The following CLNK variants were observed in gnomAD, a reference collection of about 807,000 sequenced individuals.
CLNK encodes cytokine-dependent hematopoietic cell linker.
CLNK carries 74 observed loss-of-function variants against 68.6 expected under a neutral mutation model. The ratio of observed to expected loss-of-function variants is 1.08; its 90% CI spans 0.89 to 1.31. The LOEUF (loss-of-function observed/expected upper bound fraction) is 1.31. Among genes scored for constraint, CLNK ranks in the 50% most tolerant of loss-of-function variants. The pLI, the probability that CLNK is intolerant of heterozygous loss-of-function variation, is 0.00. For missense variants in CLNK, 553 were observed against 515.3 expected (o/e 1.07, Z -0.71); for synonymous variants, 198 against 172.2 (o/e 1.15, Z -1.17).
intron 8 of CLNK, among the ~76,000 whole-genome samples, chr4:10,552,320 T>C (rs1719494895): frequency 1.3e-5 from 2 of 152,118 alleles, no homozygotes; most frequent in Admixed American, 1.3e-4. Context: ...GTAAAGCTAA[T>C]GGGAAGCCAT....
intron 8 of CLNK, among the ~76,000 whole-genome samples, chr4:10,554,360 C>G (rs1343593891): frequency 6.6e-6 from 1 of 152,202 alleles, no homozygotes; most frequent in Admixed American, 6.5e-5. Context: ...GGAACTGAAA[C>G]TTCATTAGGG....
upstream of CLNK, among the ~76,000 whole-genome samples, chr4:10,686,379 G>C (rs555002150): frequency 1.3e-5 from 2 of 152,100 alleles, no homozygotes; most frequent in South Asian, 4.2e-4. Context: ...GGACGTATTC[G>C]ACCCATAACA....
At chr4:10,600,336 G>A (rs1171125174) in intron 2 of CLNK, among the ~76,000 whole-genome samples, 1 of 152,110 alleles carries the variant, frequency 6.6e-6, no homozygotes, top group Admixed American at 6.5e-5. Context: ...CATTTCGTTT[G>A]TTCATGAGTC....
In CLNK at chr4:10,647,696, T is replaced by C. The variant is rs146907181; in HGVS notation, c.11+20163A>G. On this transcript the variant is annotated intron_variant, in intron 2 of 18. Coordinates refer to ENST00000226951, the MANE Select transcript of CLNK (RefSeq NM_052964.4). Reference sequence around the variant, plus strand: ...TGTCCTGGGTGAGGCCTTTCCTATATATCCAAGTAATTCCAAGAGGTAGGC... The same window carrying C: ...TGTCCTGGGTGAGGCCTTTCCTATACATCCAAGTAATTCCAAGAGGTAGGC... Among the ~76,000 whole-genome samples, 20 of 152,290 alleles carry C rather than the reference T, an allele frequency of 1.3e-4. No homozygotes were observed. In the East Asian group the frequency reaches 2.5e-3, roughly 19 times the overall value.
At chr4:10,619,917 C>T (rs960329681) in intron 2 of CLNK, among the ~76,000 whole-genome samples, 1 of 152,098 alleles carries the variant, frequency 6.6e-6, no homozygotes, top group East Asian at 1.9e-4. Flanking sequence ...GCTCAAAGCC[C>T]GGGGCGTTTT....
intron 7 of CLNK, 127 bp from the exon 8 acceptor site, chr4:10,558,579 A>C (rs1229670697): frequency 4.9e-6 from 4 of 819,202 alleles, no homozygotes; most frequent in Non-Finnish European, 6.2e-6. Context: ...CTGGTTTTCA[A>C]TGTATGGTTG....
In CLNK at chr4:10,650,104, T is replaced by A. The variant is rs79543352; in HGVS notation, c.11+17755A>T. 1.5e-3 allele frequency among the ~76,000 whole-genome samples: 235 copies of A among 152,240 alleles called. 3 individuals are homozygous for A. In the East Asian group the frequency reaches 0.041, roughly 27 times the overall value. On this transcript the variant is annotated intron_variant, in intron 2 of 18. Coordinates refer to ENST00000226951, the MANE Select transcript of CLNK (RefSeq NM_052964.4). ...GAGACATAAAAATGATCAAGTAGAT[T>A]TGTGAAAAAAATTATATTATAGGTT...
At chr4:10,588,809 T>C (rs1177199466) in intron 3 of CLNK, among the ~76,000 whole-genome samples, 3 of 152,010 alleles carry the variant, frequency 2.0e-5, no homozygotes, top group Non-Finnish European at 1.5e-5. Context: ...ATCTATATTA[T>C]ATATCTAAAA....
chr4:10,595,270 A>G (rs554786505), intron 3 of CLNK, among the ~76,000 whole-genome samples: 57 of 152,326 alleles, frequency 3.7e-4, no homozygotes, highest in African/African-American at 1.3e-3. Context: ...ACTTCAAAGC[A>G]TTATGGTGAA....
Position 10,501,244 on chromosome 4 carries a change from A to G in CLNK, c.1140+12T>C, listed in dbSNP as rs756959640. 1.0e-5 allele frequency: 16 copies of G among 1,546,310 alleles called. No homozygotes were observed. The Middle Eastern group carries it at 2.4e-3, about 232-fold the overall frequency. Reference sequence around the variant, plus strand: ...TTAGCCTGGAACAGGGAGGCTGTTAAGTTATACCCACCTCATCTCCTCTGA... The same window carrying G: ...TTAGCCTGGAACAGGGAGGCTGTTAGGTTATACCCACCTCATCTCCTCTGA... On this transcript the variant is annotated intron_variant, in intron 18 of 18. Coordinates refer to ENST00000226951, the MANE Select transcript of CLNK (RefSeq NM_052964.4).
rs1488063927 is a variant in CLNK, at chr4:10,487,800, A to T, written c.*2667T>A. ...TCTCCCAGAGCTGTGTCTGAATCTC[A>T]TGCTTTTTCTCCTCACTCCCCACAC... On this transcript the variant is annotated 3_prime_UTR_variant, in exon 19 of 19. Transcript: ENST00000226951. The T allele has an allele frequency of 6.6e-6, 1 of 152,012 alleles. No homozygotes were observed. Among genetic ancestry groups the T allele is most frequent in the Non-Finnish European group, 1.5e-5 (1 of 68,034 alleles). The allele number at this position is 152,012 out of a possible 1,614,324, so 9.4% of individuals were successfully genotyped here.
intron 2 of CLNK, among the ~76,000 whole-genome samples, chr4:10,633,611 G>T (rs1489579076): frequency 6.6e-6 from 1 of 152,158 alleles, no homozygotes; most frequent in African/African-American, 2.4e-5. Context: ...ATGCTCGTAG[G>T]TGTCTATCTG....
At chr4:10,588,143 A>G (rs115472456) in intron 3 of CLNK, among the ~76,000 whole-genome samples, 66 of 152,336 alleles carry the variant, frequency 4.3e-4, no homozygotes, top group African/African-American at 1.5e-3. Flanking sequence ...AGCTTAATGT[A>G]AGCGTGGCAA....
chr4:10,580,656 A>G (rs1010013609), intron 4 of CLNK, among the ~76,000 whole-genome samples: 3 of 152,056 alleles, frequency 2.0e-5, no homozygotes, highest in Non-Finnish European at 4.4e-5. Context: ...TAAAATAAAA[A>G]TTAAAAAATT....
intron 2 of CLNK, among the ~76,000 whole-genome samples, chr4:10,644,605 C>A (rs979878615): frequency 6.6e-6 from 1 of 151,938 alleles, no homozygotes; most frequent in Non-Finnish European, 1.5e-5. Context: ...ACACATGAGG[C>A]CCTTGCATTG....
chr4:10,650,577 A>G (rs1723687126), intron 2 of CLNK, among the ~76,000 whole-genome samples: 1 of 152,148 alleles, frequency 6.6e-6, no homozygotes, highest in Admixed American at 6.5e-5. Context: ...GGGAATAAGA[A>G]ATAAGTTTAT....
the CLNK span, among the ~76,000 whole-genome samples, chr4:10,724,786 C>G: frequency 6.6e-6 from 1 of 152,132 alleles, no homozygotes; most frequent in Non-Finnish European, 1.5e-5. Flanking sequence ...TCATGTTGTC[C>G]CATTGTTTTA....
At chr4:10,538,879 T>C (rs1718905805) in intron 11 of CLNK, among the ~76,000 whole-genome samples, 1 of 152,152 alleles carries the variant, frequency 6.6e-6, no homozygotes, top group African/African-American at 2.4e-5. Flanking sequence ...TAAGTGTTGG[T>C]TAAAAATAGG....
chr4:10,658,694 A>G (rs1724075012), intron 2 of CLNK, among the ~76,000 whole-genome samples: 1 of 152,186 alleles, frequency 6.6e-6, no homozygotes, highest in South Asian at 2.1e-4. Context: ...TGGCTTCTAA[A>G]GGCAGGAAGC....
Sources: gnomAD v4.1 joint callset for allele counts (sites outside exome capture counted in the v4.1 genomes callset) on GRCh38, gnomAD v4.1.1 for gene constraint, MANE v1.5 for transcripts, NCBI Gene and HGNC (gene_info 2026-07-23, HGNC 2026-07-21) for gene names.